POLE3: variants seen among roughly 807,000 people sequenced by gnomAD.
POLE3 encodes DNA polymerase epsilon 3, accessory subunit.
Under a neutral mutation model 16.1 loss-of-function variants are expected in POLE3, and 10 were observed. The observed-to-expected ratio is 0.62, with a 90% confidence interval of 0.38 to 1.05. The LOEUF is 1.05. Among genes scored for constraint, POLE3 ranks in the 50% least tolerant of loss-of-function variants. The pLI is 0.01. For synonymous variants in POLE3, 83 were observed against 71.0 expected (o/e 1.17, Z -0.85); for missense variants, 169 against 185.0 (o/e 0.91, Z 0.50).
rs1827964299 is a variant in POLE3, at chr9:113,407,379, A to C, written c.*1432T>G. The C allele has an allele frequency of 6.6e-6, 1 of 152,654 alleles. No individual in the cohort carries two copies. Among genetic ancestry groups the C allele is most frequent in the Admixed American group, 6.5e-5 (1 of 15,290 alleles). The allele number at this position is 152,654 out of a possible 1,614,324, so 9.5% of individuals were successfully genotyped here. A position where few individuals can be genotyped will look rare whatever the true frequency, so the allele number is the denominator to read the frequency against. ...AACCCCAAGCACTCAACTTAGAAAC[A>C]AAAAGCGCTTGGAGCACTGAATGGA... On this transcript the variant is annotated 3_prime_UTR_variant, in exon 5 of 5. Transcript: ENST00000374171.
chr9:113,409,582 G>T, intron 4 of POLE3, 28 bp downstream of exon 4: 1 of 1,291,674 alleles, frequency 7.7e-7, no homozygotes, highest in Non-Finnish European at 1.1e-6. Flanking sequence ...CATCTTCTAT[G>T]TGGTTTAGAA....
In POLE3 at chr9:113,408,678, C is replaced by T; in HGVS notation, c.*133G>A. 6 of 699,748 alleles carry T rather than the reference C, an allele frequency of 8.6e-6. No homozygotes were observed. In the Admixed American group the frequency reaches 1.4e-4, roughly 17 times the overall value. 43.3% of individuals were successfully genotyped at this position (699,748 alleles called of 1,614,324 possible). A position where few individuals can be genotyped will look rare whatever the true frequency, so the allele number is the denominator to read the frequency against. ...TGCTGGTTTTGACGGTATTTCTAGT[C>T]AGTTTTTATTCTGATCTTTTCAGGC... On this transcript the variant is annotated 3_prime_UTR_variant, in exon 5 of 5. Transcript: ENST00000374171.
intron 1 of POLE3, 21 bp from the exon 2 acceptor site, chr9:113,410,429 C>T: frequency 2.7e-6 from 2 of 748,892 alleles, no homozygotes; most frequent in Non-Finnish European, 4.5e-6. Context: ...CCACAGTGCT[C>T]TGAGCGCCAT....
chr9:113,408,552 C>T lies in POLE3; in HGVS notation c.*259G>A, dbSNP rs1387790532. 3 of 293,308 alleles carry T rather than the reference C, an allele frequency of 1.0e-5. No individual in the cohort carries two copies. Among genetic ancestry groups the T allele is most frequent in the Non-Finnish European group, 1.9e-5 (3 of 155,108 alleles). 18.2% of individuals were successfully genotyped at this position (293,308 alleles called of 1,614,324 possible). ...AAGTAAACAAAAGCGAGCAAACTGACTAATTTAGTCGTTCAGAATCCCTCT... is the reference window on the plus strand; with the variant it reads ...AAGTAAACAAAAGCGAGCAAACTGATTAATTTAGTCGTTCAGAATCCCTCT... On this transcript the variant is annotated 3_prime_UTR_variant, in exon 5 of 5. Coordinates refer to ENST00000374171, the MANE Select transcript of POLE3 (RefSeq NM_017443.5).
chr9:113,408,789 G>A lies in POLE3; in HGVS notation c.*22C>T, dbSNP rs1162791102. 1.9e-5 allele frequency: 30 copies of A among 1,596,832 alleles called. No homozygotes were observed. The South Asian group carries it at 2.0e-4, about 11-fold the overall frequency. Reference sequence around the variant, plus strand: ...CTCATTTCAAGTGGTACCTTCCAAGGTGCCACAGTCTCCCGCCCTTTTCAG... The same window carrying A: ...CTCATTTCAAGTGGTACCTTCCAAGATGCCACAGTCTCCCGCCCTTTTCAG... On this transcript the variant is annotated 3_prime_UTR_variant, in exon 5 of 5. Transcript: ENST00000374171.
chr9:113,408,652 G>A lies in POLE3; in HGVS notation c.*159C>T, dbSNP rs1204450055. ...TACTCAGATGCTCTGAGTTTGGTAA[G>A]TGCTGGTTTTGACGGTATTTCTAGT... On this transcript the variant is annotated 3_prime_UTR_variant, in exon 5 of 5. Coordinates refer to ENST00000374171, the MANE Select transcript of POLE3 (RefSeq NM_017443.5). 7.9e-6 allele frequency: 5 copies of A among 633,454 alleles called. No homozygotes were observed. The highest frequency in any genetic ancestry group is 1.4e-5 in the Non-Finnish European group (5 of 356,318). The allele number at this position is 633,454 out of a possible 1,614,324, so 39.2% of individuals were successfully genotyped here.
chr9:113,409,585 G>A (rs1272470512), intron 4 of POLE3, 25 bp downstream of exon 4: 1 of 1,339,022 alleles, frequency 7.5e-7, no homozygotes, highest in Admixed American at 1.7e-5. Flanking sequence ...CTTCTATGTG[G>A]TTTAGAAGAC....
chr9:113,409,371 A>C (rs576546726), intron 4 of POLE3, among the ~76,000 whole-genome samples: 22 of 151,858 alleles, frequency 1.4e-4, no homozygotes, highest in African/African-American at 4.8e-4. Context: ...AAAAAAAAAA[A>C]AAAAAAACAA....
chr9:113,409,844 G>A, intron 3 of POLE3, 116 bp from the exon 4 acceptor site: 1 of 815,300 alleles, frequency 1.2e-6, no homozygotes, highest in Non-Finnish European at 2.1e-6. Context: ...ATTTTGGTGT[G>A]ACAGGGATAA....
rs1827978825 is a variant in POLE3 at position 113,408,261 on chromosome 9, C to G, written c.*550G>C. 1 of 152,344 alleles carries G rather than the reference C, an allele frequency of 6.6e-6. No homozygotes were observed. The highest frequency in any genetic ancestry group is 2.4e-5 in the African/African-American group (1 of 41,444). The allele number at this position is 152,344 out of a possible 1,614,324, so 9.4% of individuals were successfully genotyped here. A position where few individuals can be genotyped will look rare whatever the true frequency, so the allele number is the denominator to read the frequency against. On this transcript the variant is annotated 3_prime_UTR_variant, in exon 5 of 5. Transcript: ENST00000374171. The stretch of plus-strand genomic sequence containing the variant: ...AACAAAATTCAGTTAATGCTTCTGT[C>G]AAGTGAAGAGAGAGAACGGATTTTG...
In POLE3 at chr9:113,408,648, G is replaced by GT. The variant is rs1588092978; in HGVS notation, c.*162dup. The GT allele has an allele frequency of 1.6e-6, 1 of 611,426 alleles. No homozygotes were observed. The highest frequency in any genetic ancestry group is 2.9e-6 in the Non-Finnish European group (1 of 342,898). The allele number at this position is 611,426 out of a possible 1,614,324, so 37.9% of individuals were successfully genotyped here. On this transcript the variant is annotated 3_prime_UTR_variant, in exon 5 of 5. Transcript: ENST00000374171. ...CTGCTACTCAGATGCTCTGAGTTTG[G>GT]TAAGTGCTGGTTTTGACGGTATTTC...
At chr9:113,410,595 G>A in intron 1 of POLE3, 22 bp downstream of exon 1, 1 of 488,662 alleles carries the variant, frequency 2.0e-6, no homozygotes, top group Non-Finnish European at 3.7e-6. Flanking sequence ...TCTCGCCATC[G>A]CCGCGTCGGG....
rs778025731 is a variant in POLE3, at chr9:113,408,892, C to G, written c.363G>C (p.Lys121Asn). The stretch of plus-strand genomic sequence containing the variant: ...CTTCATCATTGTCCTCATCCCTGCT[C>G]TTGTCTTGCTCTTCCGAGTCTGTTT... ...DKKTDSEEQDKSRDEDNDEDE... is the reference protein window; with the variant it reads ...DKKTDSEEQDNSRDEDNDEDE... The change falls in exon 5 of 5, where the codon AAG (lysine) becomes AAC (asparagine). Residue 121 changes from lysine to asparagine, a missense_variant. By Grantham distance (94) the Lys-to-Asn change is moderately conservative. Transcript: ENST00000374171. 6.2e-7 allele frequency: 1 copy of G among 1,612,766 alleles called. No homozygotes were observed. The highest frequency in any genetic ancestry group is 1.7e-5 in the Admixed American group (1 of 59,712).
intron 1 of POLE3, 76 bp downstream of exon 1, chr9:113,410,541 C>T (rs1195766690): frequency 1.2e-5 from 7 of 588,330 alleles, no homozygotes; most frequent in Non-Finnish European, 2.1e-5. Flanking sequence ...TCCATCCAAC[C>T]CTACCGCACC....
intron 3 of POLE3, 90 bp from the exon 4 acceptor site, chr9:113,409,818 C>T (rs1473107943): frequency 5.5e-6 from 5 of 907,096 alleles, no homozygotes; most frequent in South Asian, 1.4e-5. Flanking sequence ...GGAAAGCCTG[C>T]CTCTTACATG....
At chr9:113,409,802 G>A (rs952652374) in intron 3 of POLE3, 74 bp from the exon 4 acceptor site, 1 of 1,018,670 alleles carries the variant, frequency 9.8e-7, no homozygotes, top group Non-Finnish European at 1.5e-6. Context: ...ACCCAGAGGT[G>A]GAACGGGAAA....
rs1379301486 is a variant in POLE3, at chr9:113,408,911, T to G, written c.344A>C (p.Asp115Ala). ...QKKKDKDKKT[D>A]SEEQDKSRDE... ...CCTGCTCTTGTCTTGCTCTTCCGAG[T>G]CTGTTTTTTTGTCTTTGTCCTTCTT... Residue 115 changes from aspartate (D) to alanine (A), a missense_variant, in exon 5 of 5, where the codon GAC becomes GCC. Transcript: ENST00000374171. The G allele has an allele frequency of 5.6e-6, 9 of 1,613,010 alleles. No homozygotes were observed. Among genetic ancestry groups the G allele is most frequent in the Non-Finnish European group, 6.8e-6 (8 of 1,179,448 alleles).
rs1209626110 is a variant in POLE3, at chr9:113,409,747, T to A, written c.153-19A>T. 1.4e-6 allele frequency: 2 copies of A among 1,479,782 alleles called. No homozygotes were observed. The highest frequency in any genetic ancestry group is 2.3e-5 in the South Asian group (2 of 88,578). The allele number at this position is 1,479,782 out of a possible 1,614,324, so 91.7% of individuals were successfully genotyped here. A position where few individuals can be genotyped will look rare whatever the true frequency, so the allele number is the denominator to read the frequency against. On this transcript the variant is annotated intron_variant, in intron 3 of 4. Transcript: ENST00000374171. ...GTTAGCACTGAGAGAAGAGAAAGGC[T>A]GTCAGACTCCCTCTTGTTTGTAAGG...
Position 113,410,249 on chromosome 9 carries a change from G to T in POLE3, c.45C>A (p.Ile15=). 6.2e-7 allele frequency: 1 copy of T among 1,613,834 alleles called. No individual in the cohort carries two copies. ...PEDLNLPNAV[I]TRIIKEALPD... ...TCACCGCCTCCTTGATGATCCTGGT[G>T]ATCACGGCATTGGGCAGGTTTAGGT... is the stretch of plus-strand genomic sequence containing the variant. Residue 15 remains isoleucine, a synonymous_variant, in exon 2 of 5, where the codon ATC becomes ATA. Coordinates refer to ENST00000374171, the MANE Select transcript of POLE3 (RefSeq NM_017443.5).
Sources: gnomAD v4.1 joint callset for allele counts (sites outside exome capture counted in the v4.1 genomes callset) on GRCh38, gnomAD v4.1.1 for gene constraint, MANE v1.5 for transcripts, NCBI Gene and HGNC (gene_info 2026-07-23, HGNC 2026-07-21) for gene names.